Variants in ESYT1 observed in about 807,000 individuals in gnomAD.
ESYT1 encodes extended synaptotagmin 1.
ESYT1 carries 116 observed loss-of-function variants against 154.2 expected under a neutral mutation model. The observed-to-expected ratio is 0.75, with a 90% CI of 0.65 to 0.88. The LOEUF (loss-of-function observed/expected upper bound fraction) is 0.88, where lower values mean the gene tolerates loss of function less well. Ranked by LOEUF, ESYT1 falls within the 40% of genes least tolerant of loss-of-function variation. ESYT1 has a pLI of 0.00. For synonymous variants in ESYT1, 500 were observed against 539.9 expected, an observed-to-expected ratio of 0.93 and a Z score of 1.02; for missense variants, 1,264 against 1,379.3, an observed-to-expected ratio of 0.92 and a Z score of 1.32.
At position 56,131,074 on chromosome 12, in the gene ESYT1, G is replaced by C. The variant is rs889599860; in HGVS notation, c.602G>C (p.Gly201Ala). 1 of 1,614,148 alleles carries C rather than the reference G, an allele frequency of 6.2e-7. No individual in the cohort carries two copies. Residue 201 changes from glycine (G) to alanine (A), a missense_variant, in exon 4 of 31, where the codon GGT becomes GCT. Transcript: ENST00000394048. The part of the protein sequence containing the change: ...LRIIGVKVHP[G>A]QRKEQILLDL... ...ATCATTGGAGTCAAGGTTCACCCAG[G>C]TCAGAGAAAAGAGCAGATCCTGCTG...
rs771005047 is a variant in ESYT1 at position 56,138,224 on chromosome 12, G to GCGC, written c.2291_2293dup (p.Arg764dup). ...ATGTCCCATCTGGCCGCCTGCACTT[G>GCGC]CGCCTGGAGCGTCTCACCCCCCGTC... is the stretch of plus-strand genomic sequence containing the variant. On this transcript the variant is annotated inframe_insertion, in exon 21 of 31. Transcript: ENST00000394048. 20 of 1,614,058 alleles carry GCGC rather than the reference G, an allele frequency of 1.2e-5. No individual in the cohort carries two copies. The highest frequency in any genetic ancestry group is 3.3e-4 in the Middle Eastern group (2 of 6,084).
intron 1 of ESYT1, chr12:56,130,372 C>A: frequency 1.6e-6 from 1 of 634,836 alleles, no homozygotes. Flanking sequence ...ACAGCGTGAC[C>A]TCTACCTTGT....
chr12:56,132,668 G>A, intron 9 of ESYT1, 51 bp from the exon 10 acceptor site: 4 of 1,613,152 alleles, frequency 2.5e-6, no homozygotes, highest in Non-Finnish European at 3.4e-6. Context: ...CTGATTGGAT[G>A]ATCCTCACAG....
In ESYT1 at chr12:56,143,147, C is replaced by G. The variant is rs113072447; in HGVS notation, c.3118C>G (p.Arg1040Gly). 2 of 1,614,114 alleles carry G rather than the reference C, an allele frequency of 1.2e-6. No homozygotes were observed. The highest frequency in any genetic ancestry group is 2.7e-5 in the African/African-American group (2 of 75,004). ...KRTLSPEFNE[R>G]FEWELPLDEA... Reference sequence around the variant, plus strand: ...GACCCTGAGTCCTGAATTTAATGAACGGTCAGTCAGTGGGCATTCAGGTGG... The same window carrying G: ...GACCCTGAGTCCTGAATTTAATGAAGGGTCAGTCAGTGGGCATTCAGGTGG... Residue 1040 changes from arginine (R) to glycine (G), a missense_variant and splice_region_variant, in exon 28 of 31, where the codon CGG (arginine) becomes GGG (glycine). Arg to Gly is a moderately radical substitution (Grantham distance 125, BLOSUM62 -2). Coordinates refer to ENST00000394048, the MANE Select transcript of ESYT1 (RefSeq NM_015292.3).
Position 56,130,841 on chromosome 12 carries a change from G to C in ESYT1, c.483G>C (p.Leu161=), listed in dbSNP as rs754387615. 6.2e-7 allele frequency: 1 copy of C among 1,614,158 alleles called. No individual in the cohort carries two copies. The change falls in exon 3 of 31, where the codon CTG becomes CTC. Residue 161 remains leucine (L), a synonymous_variant. Coordinates refer to ENST00000394048, the MANE Select transcript of ESYT1 (RefSeq NM_015292.3). ...TGGGCCAGTATATGGAGAAGCTTCTGGCTGAAACTGTGGCTCCGGCTGTTA... is the reference window on the plus strand; with the variant it reads ...TGGGCCAGTATATGGAGAAGCTTCTCGCTGAAACTGTGGCTCCGGCTGTTA... ...PFLGQYMEKL[L]AETVAPAVRG...
In ESYT1 at chr12:56,138,819, G is replaced by C; in HGVS notation, c.2485G>C (p.Asp829His). ...CCCTTATGCTACTCTCACTGTGGGA[G>C]ATAGTTCTCATAAAACCAAGGTATG... ...LSPYATLTVG[D>H]SSHKTKTISQ... is the part of the protein sequence containing the mutation. Residue 829 changes from aspartate to histidine, a missense_variant, in exon 23 of 31, where the codon GAT becomes CAT. Physicochemically the swap from Asp to His is moderately conservative, Grantham distance 81 (BLOSUM62 -1). Coordinates refer to ENST00000394048, the MANE Select transcript of ESYT1 (RefSeq NM_015292.3). The C allele has an allele frequency of 6.2e-7, 1 of 1,614,186 alleles. No homozygotes were observed. Among genetic ancestry groups the C allele is most frequent in the Non-Finnish European group, 8.5e-7 (1 of 1,180,022 alleles).
At chr12:56,130,163 G>A (rs1870173777) in intron 1 of ESYT1, among the ~76,000 whole-genome samples, 1 of 152,192 alleles carries the variant, frequency 6.6e-6, no homozygotes, top group Non-Finnish European at 1.5e-5. Context: ...CGCCGGCCTC[G>A]GCCTCCCAAA....
Position 56,140,642 on chromosome 12 carries a change from C to T in ESYT1, c.2592+1629C>T, listed in dbSNP as rs772597965. ...CCTCCCAAAGTGCTGGAATTACAGG[C>T]GTCAGCCACCACACCCAGTCAGGGA... On this transcript the variant is annotated intron_variant, in intron 24 of 30. Transcript: ENST00000394048. 4.2e-4 allele frequency among the ~76,000 whole-genome samples: 64 copies of T among 152,136 alleles called. 1 individual carries two copies. The highest frequency in any genetic ancestry group is 7.9e-4 in the Non-Finnish European group (54 of 68,026).
At chr12:56,131,359 C>T (rs1217114068) in intron 5 of ESYT1, 43 bp downstream of exon 5, 1 of 1,612,802 alleles carries the variant, frequency 6.2e-7, no homozygotes, top group Non-Finnish European at 8.5e-7. Context: ...AATGTTTGTC[C>T]TGCGTTTCAT....
intron 15 of ESYT1, among the ~76,000 whole-genome samples, 161 bp from the exon 16 acceptor site, chr12:56,136,581 ACT>A (rs1254679721): frequency 2.1e-5 from 3 of 141,788 alleles, no homozygotes; most frequent in Non-Finnish European, 4.5e-5. Context: ...ACAGAGTGAG[ACT>A]CTGTCTCAAA....
At chr12:56,130,019 T>G (rs953725788) in intron 1 of ESYT1, among the ~76,000 whole-genome samples, 1 of 152,080 alleles carries the variant, frequency 6.6e-6, no homozygotes, top group Non-Finnish European at 1.5e-5. Context: ...CTTCAAGCGA[T>G]TCTCCTGCCT....
At chr12:56,140,550 G>A (rs1592249637) in intron 24 of ESYT1, among the ~76,000 whole-genome samples, 1 of 152,096 alleles carries the variant, frequency 6.6e-6, no homozygotes, top group East Asian at 1.9e-4. Context: ...TTTTAAGAGA[G>A]ACGGGGTTTC....
Position 56,132,452 on chromosome 12 carries a change from G to A in ESYT1, c.1016G>A (p.Arg339Gln), listed in dbSNP as rs373722430. Reference sequence around the variant, plus strand: ...ATTCGAATTCACCTGCTGGCTGCTCGAGGGCTGAGTTCCAAGGACAAATAT... The same window carrying A: ...ATTCGAATTCACCTGCTGGCTGCTCAAGGGCTGAGTTCCAAGGACAAATAT... ...GIIRIHLLAA[R>Q]GLSSKDKYVK... Residue 339 changes from arginine (R) to glutamine (Q), a missense_variant, in exon 9 of 31, where the codon CGA becomes CAA. Transcript: ENST00000394048. The A allele has an allele frequency of 2.3e-5, 37 of 1,614,032 alleles. No individual in the cohort carries two copies. Among genetic ancestry groups the A allele is most frequent in the Admixed American group, 1.2e-4 (7 of 59,996 alleles).
Position 56,128,706 on chromosome 12 carries a change from C to T in ESYT1, c.387C>T (p.Ala129=). 6.2e-7 allele frequency: 1 copy of T among 1,613,478 alleles called. No individual in the cohort carries two copies. Among genetic ancestry groups the T allele is most frequent in the Non-Finnish European group, 8.5e-7 (1 of 1,180,032 alleles). ...TLYMSHRELP[A]WVSFPDVEKA... ...ATATGAGTCATCGAGAGCTACCTGC[C>T]TGGGTGAGCGACCACCCTCGGTCCT... Residue 129 remains alanine, a synonymous_variant, in exon 1 of 31, where the codon GCC becomes GCT. Coordinates refer to ENST00000394048, the MANE Select transcript of ESYT1 (RefSeq NM_015292.3).
intron 15 of ESYT1, among the ~76,000 whole-genome samples, chr12:56,135,230 G>A (rs1417063541): frequency 1.3e-5 from 2 of 150,690 alleles, no homozygotes; most frequent in Non-Finnish European, 1.5e-5. Context: ...GTGCAATGGC[G>A]TGGTCTCGGC....
intron 13 of ESYT1, 40 bp downstream of exon 13, chr12:56,133,913 T>C (rs1870343679): frequency 5.6e-6 from 9 of 1,597,432 alleles, no homozygotes; most frequent in Non-Finnish European, 6.9e-6. Context: ...GGATGTAACA[T>C]TCCCCAACCC....
rs1488390559 is a variant in ESYT1, at chr12:56,132,289, C to T, written c.941C>T (p.Pro314Leu). The T allele has an allele frequency of 6.2e-7, 1 of 1,614,028 alleles. No homozygotes were observed. The highest frequency in any genetic ancestry group is 1.3e-5 in the African/African-American group (1 of 74,886). ...AACCGATTACTGGTGCCCCTTGTGC[C>T]TGACCTTCAAGATGTGGCTCAGTTG... is the stretch of plus-strand genomic sequence containing the variant. ...LPNRLLVPLV[P>L]DLQDVAQLRS... The change falls in exon 8 of 31, where the codon CCT (proline) becomes CTT (leucine). Residue 314 changes from proline (P) to leucine (L), a missense_variant. Coordinates refer to ENST00000394048, the MANE Select transcript of ESYT1 (RefSeq NM_015292.3).
Position 56,137,325 on chromosome 12 carries a change from CCCA to C in ESYT1, c.1893_1895del (p.Pro632del). 6.2e-7 allele frequency: 1 copy of C among 1,614,164 alleles called. No individual in the cohort carries two copies. Among genetic ancestry groups the C allele is most frequent in the African/African-American group, 1.3e-5 (1 of 75,030 alleles). ...CCCAGAGAGGCAGCAGTGTGGATGCCCCACCTCGACCCTGTCACACGACTCCTG... is the reference window on the plus strand; with the variant it reads ...CCCAGAGAGGCAGCAGTGTGGATGCCCCTCGACCCTGTCACACGACTCCTG... On this transcript the variant is annotated inframe_deletion, in exon 17 of 31. Coordinates refer to ENST00000394048, the MANE Select transcript of ESYT1 (RefSeq NM_015292.3).
In ESYT1 at chr12:56,136,875, T is replaced by C. The variant is rs1227676291; in HGVS notation, c.1764T>C (p.Tyr588=). The C allele has an allele frequency of 1.0e-5, 16 of 1,605,862 alleles. No homozygotes were observed. In the Admixed American group the frequency reaches 2.7e-4, roughly 27 times the overall value. The part of the protein sequence containing the change: ...LSSSGPNSRL[Y]MKLVMRILYL... ...GCTCTGGTCCAAACTCCAGACTCTA[T>C]ATGAAACTAGTCATGAGGGTATGGA... Residue 588 remains tyrosine (Y), a synonymous_variant, in exon 16 of 31, where the codon TAT becomes TAC. Transcript: ENST00000394048.
Sources: allele counts gnomAD v4.1 joint callset (sites outside exome capture counted in the v4.1 genomes callset), GRCh38; gene constraint gnomAD v4.1.1; transcripts MANE v1.5; gene names NCBI Gene and HGNC (gene_info 2026-07-23, HGNC 2026-07-21).